The following GLCE variants were observed in gnomAD, a reference collection of about 807,000 sequenced individuals.
GLCE encodes D-glucuronyl C5-epimerase.
In GLCE, 19 loss-of-function variants were observed where a neutral mutation model predicts 47.9. The ratio of observed to expected loss-of-function variants is 0.40; its 90% CI spans 0.28 to 0.58. The LOEUF is 0.58. Ranked by LOEUF, GLCE falls within the 20% of genes least tolerant of loss-of-function variation. GLCE has a pLI of 0.48. For synonymous variants in GLCE, 245 were observed against 263.4 expected, an observed-to-expected ratio of 0.93 and a Z score of 0.68; for missense variants, 556 against 743.3, an observed-to-expected ratio of 0.75 and a Z score of 2.93.
At position 69,213,859 on chromosome 15, in the gene GLCE, C is replaced by T. The variant is rs558663100; in HGVS notation, c.-14+3453C>T. Among the ~76,000 whole-genome samples the T allele has an allele frequency of 2.9e-3, 443 of 152,142 alleles. 2 individuals carry two copies. Among genetic ancestry groups the T allele is most frequent in the Middle Eastern group, 6.8e-3 (2 of 294 alleles). The stretch of plus-strand genomic sequence containing the variant: ...AGTAGTCCCTGCTCACATTTATTTA[C>T]TTAATCATTTACTTATATCAGTGTG... On this transcript the variant is annotated intron_variant, in intron 2 of 4. Transcript: ENST00000261858.
intron 2 of GLCE, among the ~76,000 whole-genome samples, chr15:69,225,021 G>GT (rs528488997): frequency 6.6e-6 from 1 of 152,026 alleles, no homozygotes; most frequent in South Asian, 2.1e-4. Context: ...TCAGATTTTT[G>GT]TTTTTTGTGT....
intron 2 of GLCE, among the ~76,000 whole-genome samples, chr15:69,255,469 A>G (rs1809261724): frequency 6.6e-6 from 1 of 152,142 alleles, no homozygotes. Flanking sequence ...CATTTTGGGT[A>G]CAGCATACTC....
At chr15:69,164,518 T>C (rs532846106) in intron 1 of GLCE, among the ~76,000 whole-genome samples, 5 of 150,232 alleles carry the variant, frequency 3.3e-5, no homozygotes, top group Non-Finnish European at 7.4e-5. Context: ...TATGTTGTTA[T>C]ATACATATGC....
chr15:69,221,036 G>A (rs2052370988), intron 2 of GLCE, among the ~76,000 whole-genome samples: 1 of 152,138 alleles, frequency 6.6e-6, no homozygotes, highest in Admixed American at 6.5e-5. Flanking sequence ...TCCCCTTTGG[G>A]TGGTCTTGCC....
intron 1 of GLCE, among the ~76,000 whole-genome samples, chr15:69,195,917 C>G (rs1400262626): frequency 1.3e-5 from 2 of 151,970 alleles, no homozygotes; most frequent in African/African-American, 4.8e-5. Context: ...ACAAAACAGA[C>G]AAAAATTTCT....
intron 2 of GLCE, among the ~76,000 whole-genome samples, chr15:69,225,630 T>C (rs1008604323): frequency 1.3e-5 from 2 of 152,144 alleles, no homozygotes; most frequent in African/African-American, 4.8e-5. Flanking sequence ...ATGTGTAAAT[T>C]TGTAGATTTG....
chr15:69,177,757 C>CTTTA (rs2051692000), intron 1 of GLCE, among the ~76,000 whole-genome samples: 3 of 152,100 alleles, frequency 2.0e-5, no homozygotes, highest in African/African-American at 7.2e-5. Flanking sequence ...CTTCATGCCC[C>CTTTA]TCCACACTCC....
intron 1 of GLCE, among the ~76,000 whole-genome samples, chr15:69,202,738 T>C (rs1388863221): frequency 6.6e-6 from 1 of 152,152 alleles, no homozygotes; most frequent in Non-Finnish European, 1.5e-5. Flanking sequence ...TGGTTAAATA[T>C]ACTTGTAACA....
chr15:69,213,125 A>G (rs1474591112), intron 2 of GLCE, among the ~76,000 whole-genome samples: 1 of 152,136 alleles, frequency 6.6e-6, no homozygotes, highest in Non-Finnish European at 1.5e-5. Flanking sequence ...AATAAGTTAC[A>G]ATGATAATAT....
chr15:69,195,410 A>G (rs2051972844), intron 1 of GLCE, among the ~76,000 whole-genome samples: 1 of 152,066 alleles, frequency 6.6e-6, no homozygotes, highest in Non-Finnish European at 1.5e-5. Context: ...CAAGTTACCT[A>G]TGAAAGAATT....
At chr15:69,259,976 A>G (rs542909186) in intron 3 of GLCE, among the ~76,000 whole-genome samples, 1 of 152,190 alleles carries the variant, frequency 6.6e-6, no homozygotes, top group Non-Finnish European at 1.5e-5. Flanking sequence ...CTCTCAATAC[A>G]TACGTGATTC....
rs1005589427 is a variant in GLCE, at chr15:69,188,226, C to T, written c.-104-22090C>T. The stretch of plus-strand genomic sequence containing the variant: ...CAGCTTGGGCGACAGAGTGAGACTC[C>T]GTCTCAAAACAAAAACAAAAAACAA... On this transcript the variant is annotated intron_variant, in intron 1 of 4. Coordinates refer to ENST00000261858, the MANE Select transcript of GLCE (RefSeq NM_015554.3). Among the ~76,000 whole-genome samples the T allele has an allele frequency of 7.2e-5, 11 of 151,978 alleles. No individual in the cohort carries two copies. The East Asian group carries it at 7.7e-4, about 11-fold the overall frequency.
chr15:69,253,271 A>G (rs1413349087), intron 2 of GLCE, among the ~76,000 whole-genome samples: 1 of 152,210 alleles, frequency 6.6e-6, no homozygotes, highest in Non-Finnish European at 1.5e-5. Context: ...CGTGTAACAA[A>G]AGAGAAAACA....
intron 1 of GLCE, among the ~76,000 whole-genome samples, chr15:69,194,985 AT>A (rs1434886503): frequency 6.6e-6 from 1 of 152,112 alleles, no homozygotes; most frequent in African/African-American, 2.4e-5. Context: ...GTGAACTTGG[AT>A]TCAAAAAAAC....
At chr15:69,205,808 C>T (rs932591978) in intron 1 of GLCE, among the ~76,000 whole-genome samples, 5 of 151,940 alleles carry the variant, frequency 3.3e-5, no homozygotes, top group Non-Finnish European at 5.9e-5. Flanking sequence ...CTATTCAGGT[C>T]CTTTGACCAT....
chr15:69,171,774 A>G (rs749111584), intron 1 of GLCE, among the ~76,000 whole-genome samples: 2 of 152,116 alleles, frequency 1.3e-5, no homozygotes, highest in African/African-American at 2.4e-5. Flanking sequence ...ATACTAACTC[A>G]CTGACGTAGC....
chr15:69,232,681 A>C (rs1026843201), intron 2 of GLCE, among the ~76,000 whole-genome samples: 3 of 152,212 alleles, frequency 2.0e-5, no homozygotes, highest in African/African-American at 7.2e-5. Flanking sequence ...GGAAAAAATA[A>C]GTGTTTAGAA....
chr15:69,174,187 A>G (rs8024078), intron 1 of GLCE, among the ~76,000 whole-genome samples: 77,842 of 152,166 alleles, frequency 0.51, 23,480 homozygotes, highest in Non-Finnish European at 0.65. Flanking sequence ...TTTATTCACA[A>G]TTCCGAAGGA....
intron 1 of GLCE, among the ~76,000 whole-genome samples, chr15:69,180,857 G>A (rs1052716258): frequency 1.8e-4 from 28 of 152,170 alleles, no homozygotes; most frequent in African/African-American, 6.8e-4. Flanking sequence ...TGACATGATT[G>A]GACTTTTAAA....
Sources: allele counts gnomAD v4.1 joint callset (sites outside exome capture counted in the v4.1 genomes callset), GRCh38; gene constraint gnomAD v4.1.1; transcripts MANE v1.5; gene names NCBI Gene and HGNC (gene_info 2026-07-23, HGNC 2026-07-21).